The following PEAK1 variants were observed in gnomAD, a reference collection of about 807,000 sequenced individuals.
PEAK1 encodes inactive tyrosine-protein kinase PEAK1.
Under a neutral mutation model 124.7 loss-of-function variants are expected in PEAK1, and 54 were observed. That is an observed-to-expected ratio of 0.43 (90% CI 0.35 to 0.54). The LOEUF (loss-of-function observed/expected upper bound fraction) is 0.54. PEAK1 is among the 20% of genes least tolerant of loss of function. The probability of loss-of-function intolerance (pLI) is 0.01; values close to 1 mark genes in which losing one functional copy is unlikely to be tolerated. For missense variants in PEAK1, 2,046 were observed against 2,134.5 expected (o/e 0.96, Z 0.82); for synonymous variants, 719 against 760.0 (o/e 0.95, Z 0.89).
At position 77,347,835 on chromosome 15, in the gene PEAK1, T is replaced by C. The variant is rs189229902; in HGVS notation, c.-603+17328A>G. The C allele has an allele frequency of 5.1e-6, 5 of 985,044 alleles. No individual in the cohort carries two copies. The African/African-American group carries it at 5.2e-5, about 10-fold the overall frequency. The allele number at this position is 985,044 out of a possible 1,614,324, so 61.0% of individuals were successfully genotyped here. A position where few individuals can be genotyped will look rare whatever the true frequency, so the allele number is the denominator to read the frequency against. On this transcript the variant is annotated intron_variant, in intron 2 of 9. Transcript: ENST00000682557. The stretch of plus-strand genomic sequence containing the variant: ...AGCAAGCACAAAACAGTGTTTAAGT[T>C]CAAAAGCATCTACAACATTAAACAA...
intron 8 of PEAK1, chr15:77,157,937 G>C (rs538994541): frequency 6.6e-6 from 1 of 152,540 alleles, no homozygotes; most frequent in Admixed American, 6.5e-5. Context: ...ACCTTTGATG[G>C]CTCACTAACA....
At chr15:77,403,326 A>G (rs2071533598) in intron 1 of PEAK1, 1 of 944,778 alleles carries the variant, frequency 1.1e-6, no homozygotes. Flanking sequence ...ATGTTTTAAA[A>G]TAAGATAGTA....
chr15:77,171,124 C>T (rs1323347106), intron 7 of PEAK1, among the ~76,000 whole-genome samples: 1 of 152,038 alleles, frequency 6.6e-6, no homozygotes, highest in African/African-American at 2.4e-5. Flanking sequence ...GCTACTTTCC[C>T]GCTTAAAAAC....
chr15:77,236,434 A>T (rs927673771), intron 6 of PEAK1, among the ~76,000 whole-genome samples: 32 of 152,220 alleles, frequency 2.1e-4, no homozygotes, highest in Non-Finnish European at 5.9e-5. Flanking sequence ...TGAGGCCTAT[A>T]GTCCCATTGT....
intron 5 of PEAK1, among the ~76,000 whole-genome samples, chr15:77,268,771 T>C (rs542197088): frequency 1.3e-5 from 2 of 152,164 alleles, no homozygotes; most frequent in African/African-American, 4.8e-5. Context: ...GGCAAAAGTA[T>C]CAGGTAACCT....
intron 5 of PEAK1, among the ~76,000 whole-genome samples, chr15:77,267,602 G>A (rs2061805536): frequency 6.6e-6 from 1 of 152,108 alleles, no homozygotes; most frequent in Non-Finnish European, 1.5e-5. Context: ...GCTAGATCCA[G>A]AACAGAAATA....
intron 5 of PEAK1, among the ~76,000 whole-genome samples, chr15:77,257,876 C>G (rs1004076129): frequency 2.0e-5 from 3 of 152,116 alleles, no homozygotes; most frequent in African/African-American, 7.2e-5. Flanking sequence ...ACGTTTAAGT[C>G]TTTAATCCAT....
At chr15:77,227,398 C>T (rs1056087634) in intron 6 of PEAK1, among the ~76,000 whole-genome samples, 1 of 151,900 alleles carries the variant, frequency 6.6e-6, no homozygotes, top group East Asian at 1.9e-4. Flanking sequence ...TGGTTTTCTA[C>T]CCATAATATG....
intron 2 of PEAK1, among the ~76,000 whole-genome samples, chr15:77,298,064 C>CAAAAAAAA (rs771222323): frequency 3.2e-5 from 1 of 31,556 alleles, no homozygotes; most frequent in African/African-American, 1.5e-4. Flanking sequence ...GACTCCGTCT[C>CAAAAAAAA]AAAAAAAAAA....
chr15:77,335,166 A>G (rs2066120686), intron 2 of PEAK1: 1 of 985,350 alleles, frequency 1.0e-6, no homozygotes, highest in South Asian at 4.7e-5. Flanking sequence ...TTGTAGGAAC[A>G]TGCATTAAGT....
intron 1 of PEAK1, among the ~76,000 whole-genome samples, chr15:77,411,614 CCTT>C (rs1164791893): frequency 6.6e-6 from 1 of 152,080 alleles, no homozygotes; most frequent in Non-Finnish European, 1.5e-5. Context: ...GTACTTCATA[CCTT>C]TTTTTTTAAA....
chr15:77,265,486 A>C (rs1017112817), intron 5 of PEAK1, among the ~76,000 whole-genome samples: 36 of 152,270 alleles, frequency 2.4e-4, no homozygotes, highest in South Asian at 1.0e-3. Flanking sequence ...ATTTATGCAG[A>C]CAAAAGACAC....
chr15:77,308,545 A>G lies in PEAK1; in HGVS notation c.-602-22041T>C, dbSNP rs1315200270. Among the ~76,000 whole-genome samples the G allele has an allele frequency of 7.9e-5, 12 of 152,192 alleles. No individual in the cohort carries two copies. The East Asian group carries it at 2.3e-3, about 29-fold the overall frequency. On this transcript the variant is annotated intron_variant, in intron 2 of 9. Coordinates refer to ENST00000682557, the MANE Select transcript of PEAK1 (RefSeq NM_001385026.1). ...TTCTCCCAAATGTCAGCTTCATTAC[A>G]AGTTCTATTAGGAGGAAAGCTTTCC... is the stretch of plus-strand genomic sequence containing the variant.
intron 5 of PEAK1, among the ~76,000 whole-genome samples, chr15:77,282,666 C>T (rs754978141): frequency 1.3e-5 from 2 of 152,132 alleles, no homozygotes; most frequent in Non-Finnish European, 2.9e-5. Context: ...TCCAAACCCT[C>T]AGTTAAATGT....
chr15:77,122,677 G>A (rs567359831), intron 9 of PEAK1, among the ~76,000 whole-genome samples: 1 of 152,306 alleles, frequency 6.6e-6, no homozygotes, highest in East Asian at 1.9e-4. Context: ...AGGTGCTTCT[G>A]TATGCACTGA....
At chr15:77,407,898 TATAC>T (rs1185727898) in intron 1 of PEAK1, among the ~76,000 whole-genome samples, 1 of 142,446 alleles carries the variant, frequency 7.0e-6, no homozygotes, top group Non-Finnish European at 1.5e-5. Context: ...TATATATATA[TATAC>T]ACATATATAT....
chr15:77,217,812 T>C (rs2059215289), intron 6 of PEAK1, among the ~76,000 whole-genome samples: 1 of 152,196 alleles, frequency 6.6e-6, no homozygotes, highest in African/African-American at 2.4e-5. Flanking sequence ...ATTTTTTCAT[T>C]TCCACAAACT....
intron 9 of PEAK1, among the ~76,000 whole-genome samples, chr15:77,122,173 G>C (rs1045477075): frequency 2.6e-5 from 4 of 152,266 alleles, no homozygotes; most frequent in Middle Eastern, 3.4e-3. Context: ...AAGTACTCAG[G>C]ACTCCATGTT....
At chr15:77,344,463 T>C (rs2066746821) in intron 2 of PEAK1, among the ~76,000 whole-genome samples, 2 of 152,206 alleles carry the variant, frequency 1.3e-5, no homozygotes, top group African/African-American at 2.4e-5. Context: ...TTGATAACCA[T>C]AGTTTTTGCA....
Sources: gnomAD v4.1 joint callset for allele counts (sites outside exome capture counted in the v4.1 genomes callset) on GRCh38, gnomAD v4.1.1 for gene constraint, MANE v1.5 for transcripts, NCBI Gene and HGNC (gene_info 2026-07-23, HGNC 2026-07-21) for gene names.